Variants in SLC25A13 observed in about 807,000 individuals in gnomAD.
SLC25A13 encodes the protein electrogenic aspartate/glutamate antiporter SLC25A13, mitochondrial.
In SLC25A13, 70 loss-of-function variants were observed where a neutral mutation model predicts 85.5. The ratio of observed to expected loss-of-function variants is 0.82; its 90% confidence interval spans 0.68 to 1.00. The LOEUF is 1.00. Among genes scored for constraint, SLC25A13 ranks in the 50% least tolerant of loss-of-function variants. SLC25A13 has a pLI of 0.00. For synonymous variants in SLC25A13, 259 were observed against 288.7 expected, an observed-to-expected ratio of 0.90 and a Z score of 1.04; for missense variants, 765 against 819.8, an observed-to-expected ratio of 0.93 and a Z score of 0.82.
At chr7:96,201,095 T>C (rs1307653634) in intron 5 of SLC25A13, among the ~76,000 whole-genome samples, 3 of 152,178 alleles carry the variant, frequency 2.0e-5, no homozygotes, top group Admixed American at 6.5e-5. Flanking sequence ...CACCAAATGA[T>C]GCTGTTTATG....
chr7:96,321,157 G>A (rs569811162), intron 1 of SLC25A13, among the ~76,000 whole-genome samples: 1 of 152,346 alleles, frequency 6.6e-6, no homozygotes, highest in East Asian at 1.9e-4. Flanking sequence ...TGGTGAAAGA[G>A]GAAAGGTCAA....
At chr7:96,223,986 C>T in intron 4 of SLC25A13, among the ~76,000 whole-genome samples, 1 of 152,072 alleles carries the variant, frequency 6.6e-6, no homozygotes, top group Non-Finnish European at 1.5e-5. Flanking sequence ...CACACCCACA[C>T]ATCCACACAG....
chr7:96,234,109 G>T (rs1029839608), intron 4 of SLC25A13, among the ~76,000 whole-genome samples: 1 of 152,222 alleles, frequency 6.6e-6, no homozygotes, highest in Non-Finnish European at 1.5e-5. Flanking sequence ...CGTTAAATCT[G>T]TCCTTAGTAG....
chr7:96,123,670 TATCTGGTA>T (rs1791609605), intron 15 of SLC25A13, among the ~76,000 whole-genome samples: 6 of 152,146 alleles, frequency 3.9e-5, no homozygotes, highest in Admixed American at 3.9e-4. Context: ...CCTAGGCAGG[TATCTGGTA>T]AGGCCTAAAA....
chr7:96,146,410 G>T, intron 14 of SLC25A13, 146 bp downstream of exon 14: 1 of 966,346 alleles, frequency 1.0e-6, no homozygotes. Context: ...CTTCTAATTG[G>T]CATGAAGGTG....
At chr7:96,287,123 G>A (rs537311033) in intron 2 of SLC25A13, among the ~76,000 whole-genome samples, 6 of 152,264 alleles carry the variant, frequency 3.9e-5, no homozygotes, top group South Asian at 2.1e-4. Context: ...GGCCTGGCAC[G>A]GTCCCCACAT....
At chr7:96,204,034 G>A (rs1204167989) in intron 5 of SLC25A13, among the ~76,000 whole-genome samples, 1 of 152,174 alleles carries the variant, frequency 6.6e-6, no homozygotes, top group African/African-American at 2.4e-5. Context: ...CTCTAGAACA[G>A]CTGCTCTTTA....
chr7:96,196,605 T>A (rs56199032), intron 5 of SLC25A13, among the ~76,000 whole-genome samples: 1 of 152,146 alleles, frequency 6.6e-6, no homozygotes, highest in Non-Finnish European at 1.5e-5. Context: ...CAGGGACCCC[T>A]CAAGTTGGAG....
chr7:96,163,595 A>T (rs1340476784), intron 13 of SLC25A13, among the ~76,000 whole-genome samples: 1 of 152,224 alleles, frequency 6.6e-6, no homozygotes, highest in Non-Finnish European at 1.5e-5. Context: ...CTCCTCAATG[A>T]TGGAGAAACA....
At chr7:96,287,509 T>C (rs990388029) in intron 2 of SLC25A13, among the ~76,000 whole-genome samples, 7 of 152,210 alleles carry the variant, frequency 4.6e-5, no homozygotes, top group African/African-American at 1.2e-4. Flanking sequence ...GCATGAATTC[T>C]CACCCTCTCT....
At chr7:96,121,398 G>A (rs1791498154) in intron 17 of SLC25A13, 21 bp from the exon 18 acceptor site, 1 of 1,612,728 alleles carries the variant, frequency 6.2e-7, no homozygotes, top group East Asian at 2.2e-5. Flanking sequence ...AGAAAACAGA[G>A]TAAGAAGCTG....
rs919111709 is a variant in SLC25A13, at chr7:96,321,953, C to T, written c.4G>A (p.Ala2Thr). 4 of 1,541,204 alleles carry T rather than the reference C, an allele frequency of 2.6e-6. No homozygotes were observed. The highest frequency in any genetic ancestry group is 3.5e-6 in the Non-Finnish European group (4 of 1,145,788). Reference protein sequence around the residue: MAAAKVALTKRA... With the variant: MTAAKVALTKRA... ...GGGCCCGCGGTTACCTTGGCGGCCG[C>T]CATGATTCGCCCCGGTTGCGGGCGA... Residue 2 changes from alanine (A) to threonine (T), a missense_variant, in exon 1 of 18, where the codon GCG becomes ACG. Transcript: ENST00000265631.
Position 96,184,281 on chromosome 7 carries a change from A to G in SLC25A13, c.1173T>C (p.Tyr391=). 6.2e-7 allele frequency: 1 copy of G among 1,614,170 alleles called. No homozygotes were observed. Among genetic ancestry groups the G allele is most frequent in the South Asian group, 1.1e-5 (1 of 91,082 alleles). Residue 391 remains tyrosine (Y), a synonymous_variant, in exon 11 of 18, where the codon TAT becomes TAC. Coordinates refer to ENST00000265631, the MANE Select transcript of SLC25A13 (RefSeq NM_014251.3). ...VLRYEGFFGL[Y]RGLLPQLLGV... ...TATTGAGCATGTGGCACTAACCTCT[A>G]TACAGTCCAAAGAAGCCTTCATAGC...
At chr7:96,185,437 T>C (rs1322316068) in intron 9 of SLC25A13, among the ~76,000 whole-genome samples, 3 of 150,846 alleles carry the variant, frequency 2.0e-5, no homozygotes. Context: ...ATCTCTATAA[T>C]ATAACACAAA....
Position 96,322,002 on chromosome 7 carries a change from G to A in SLC25A13, c.-46C>T, listed in dbSNP as rs578004174. 10 of 1,533,036 alleles carry A rather than the reference G, an allele frequency of 6.5e-6. No homozygotes were observed. The South Asian group carries it at 1.2e-4, about 19-fold the overall frequency. 95.0% of individuals were successfully genotyped at this position (1,533,036 alleles called of 1,614,324 possible). A position where few individuals can be genotyped will look rare whatever the true frequency, so the allele number is the denominator to read the frequency against. ...GACTGCGGGACCCACTGACTGGCTG[G>A]CTGGCGTTTGGGACCCGGGCGGCTC... On this transcript the variant is annotated 5_prime_UTR_variant, in exon 1 of 18. Transcript: ENST00000265631.
At chr7:96,135,188 C>G (rs1386896646) in intron 14 of SLC25A13, among the ~76,000 whole-genome samples, 3 of 152,112 alleles carry the variant, frequency 2.0e-5, no homozygotes, top group Non-Finnish European at 4.4e-5. Flanking sequence ...TGTAAGGTAT[C>G]CACTGCATTA....
chr7:96,276,742 C>T (rs1798465981), intron 3 of SLC25A13, among the ~76,000 whole-genome samples: 1 of 152,162 alleles, frequency 6.6e-6, no homozygotes, highest in Non-Finnish European at 1.5e-5. Context: ...CAGTTTCTTT[C>T]CTCTAGCTTT....
Position 96,293,807 on chromosome 7 carries a change from T to C in SLC25A13, c.69+3091A>G, listed in dbSNP as rs1225436413. ...AGGAGCTGGAGAGGATGTGGAGAAA[T>C]AGGAACACTTTTACACTGTTGGTGG... On this transcript the variant is annotated intron_variant, in intron 2 of 17. Transcript: ENST00000265631. 5.9e-5 allele frequency among the ~76,000 whole-genome samples: 9 copies of C among 151,926 alleles called. 1 individual carries two copies. Among genetic ancestry groups the C allele is most frequent in the African/African-American group, 1.9e-4 (8 of 41,392 alleles).
chr7:96,243,619 G>T (rs1797074351), intron 3 of SLC25A13, among the ~76,000 whole-genome samples: 1 of 152,122 alleles, frequency 6.6e-6, no homozygotes, highest in Admixed American at 6.5e-5. Flanking sequence ...GAGTAATGGG[G>T]TTGGGAGATA....
Sources: allele counts gnomAD v4.1 joint callset (sites outside exome capture counted in the v4.1 genomes callset), GRCh38; gene constraint gnomAD v4.1.1; transcripts MANE v1.5; gene names NCBI Gene and HGNC (gene_info 2026-07-23, HGNC 2026-07-21).